MED13: variants seen among roughly 807,000 people sequenced by gnomAD.
The protein encoded by MED13 is mediator complex subunit 13.
In MED13, 23 loss-of-function variants were observed where a neutral mutation model predicts 225.2. That is an observed-to-expected ratio of 0.10 (90% confidence interval 0.07 to 0.14). MED13 has a LOEUF of 0.14. MED13 is among the 10% of genes least tolerant of loss of function. The pLI is 1.00. For missense variants in MED13, 2,197 were observed against 2,594.5 expected (o/e 0.85, Z 3.33); for synonymous variants, 942 against 889.2 (o/e 1.06, Z -1.06).
chr17:61,954,414 G>C (rs1041399204), intron 26 of MED13, among the ~76,000 whole-genome samples: 1 of 152,148 alleles, frequency 6.6e-6, no homozygotes, highest in African/African-American at 2.4e-5. Context: ...ATGAGTTCAT[G>C]TACAGGTACC....
Position 62,010,624 on chromosome 17 carries a change from A to T in MED13, c.1893T>A (p.Pro631=). 9 of 1,492,540 alleles carry T rather than the reference A, an allele frequency of 6.0e-6. No homozygotes were observed. Among genetic ancestry groups the T allele is most frequent in the Non-Finnish European group, 8.0e-6 (9 of 1,120,218 alleles). The allele number at this position is 1,492,540 out of a possible 1,614,324, so 92.5% of individuals were successfully genotyped here. ...PKKKDVEFLP[P]QLPSDKFKDD... The stretch of plus-strand genomic sequence containing the variant: ...CCTTGAATTTATCACTTGGAAGTTG[A>T]GGTGGTAAAAACTCTACATCTTTTT... The change falls in exon 9 of 30, where the codon CCT becomes CCA. Residue 631 remains proline (P), a synonymous_variant. Coordinates refer to ENST00000397786, the MANE Select transcript of MED13 (RefSeq NM_005121.3).
At chr17:61,949,567 ATTACTG>A (rs2079879612) in intron 28 of MED13, among the ~76,000 whole-genome samples, 1 of 152,136 alleles carries the variant, frequency 6.6e-6, no homozygotes, top group Admixed American at 6.5e-5. Flanking sequence ...TGAGAGTCTC[ATTACTG>A]TATTTAAAAA....
At chr17:62,059,420 A>C (rs1422353566) in intron 2 of MED13, among the ~76,000 whole-genome samples, 1 of 152,244 alleles carries the variant, frequency 6.6e-6, no homozygotes, top group South Asian at 2.1e-4. Context: ...AATAAAAAAC[A>C]CTTCAGTAAC....
At chr17:61,975,249 A>C (rs182361560) in intron 16 of MED13, among the ~76,000 whole-genome samples, 1 of 152,352 alleles carries the variant, frequency 6.6e-6, no homozygotes, top group African/African-American at 2.4e-5. Context: ...TAAAGAACTC[A>C]GGATTCAACA....
rs779879231 is a variant in MED13, at chr17:62,031,498, C to T, written c.955G>A (p.Ala319Thr). 1.2e-6 allele frequency: 2 copies of T among 1,613,610 alleles called. No individual in the cohort carries two copies. The highest frequency in any genetic ancestry group is 1.3e-5 in the African/African-American group (1 of 74,886). The change falls in exon 6 of 30, where the codon GCT becomes ACT. Residue 319 changes from alanine to threonine, a missense_variant. Physicochemically the swap from Ala to Thr is moderately conservative, Grantham distance 58 (BLOSUM62 0). Around this residue, in one of 12 missense-constraint regions of MED13, gnomAD observed 884 missense variants for 918.5 expected, o/e 0.96. Transcript: ENST00000397786. ...GGTGTAAGCGTAACCGAAGACATAG[C>T]AGGATCTCTTGTGGAAGCAGGCACT... ...HQVPASTRDP[A>T]MSSVTLTPPT...
In MED13 at chr17:62,033,974, G is replaced by A. The variant is rs1251732484; in HGVS notation, c.627C>T (p.Cys209=). The A allele has an allele frequency of 6.2e-7, 1 of 1,613,380 alleles. No homozygotes were observed. Among genetic ancestry groups the A allele is most frequent in the South Asian group, 1.1e-5 (1 of 90,974 alleles). Residue 209 remains cysteine, a synonymous_variant, in exon 5 of 30, where the codon TGC becomes TGT. Coordinates refer to ENST00000397786, the MANE Select transcript of MED13 (RefSeq NM_005121.3). ...TGAGAGTGCCATTTAGTCCAAATGG[G>A]CATAAGATAACTAGAAACCCAAAGC... ...QSNSPFQVIL[C]PFGLNGTLTG... is the part of the protein sequence containing the mutation.
rs1380101018 is a variant in MED13, at chr17:61,955,514, T to C, written c.5836A>G (p.Thr1946Ala). The C allele has an allele frequency of 1.3e-6, 2 of 1,590,382 alleles. No individual in the cohort carries two copies. The highest frequency in any genetic ancestry group is 1.7e-6 in the Non-Finnish European group (2 of 1,172,102). The change falls in exon 26 of 30, where the codon ACA becomes GCA. Residue 1946 changes from threonine to alanine, a missense_variant. By Grantham distance (58) the Thr-to-Ala change is moderately conservative. This residue lies in a region of MED13 where 216 missense variants were observed against 388.9 expected (regional missense o/e 0.56). Transcript: ENST00000397786. The stretch of plus-strand genomic sequence containing the variant: ...TCCTGTGGGGTATTTAGCTGAGATG[T>C]CTGCATATTTAGAGTCGTGCTTCTT... ...FGRSTTLNMQ[T>A]SQLNTPQDTS...
intron 9 of MED13, among the ~76,000 whole-genome samples, chr17:61,998,340 G>A (rs955664626): frequency 6.6e-6 from 1 of 152,178 alleles, no homozygotes; most frequent in Non-Finnish European, 1.5e-5. Context: ...AGGAAGTGCT[G>A]CAAGGCCCAA....
chr17:61,995,218 C>G lies in MED13; in HGVS notation c.2115G>C (p.Glu705Asp), dbSNP rs2080337244. 1 of 1,613,652 alleles carries G rather than the reference C, an allele frequency of 6.2e-7. No individual in the cohort carries two copies. The highest frequency in any genetic ancestry group is 8.5e-7 in the Non-Finnish European group (1 of 1,179,904). The change falls in exon 10 of 30, where the codon GAG becomes GAC. Residue 705 changes from glutamate (E) to aspartate (D), a missense_variant. Glu to Asp is a conservative substitution (Grantham distance 45). Coordinates refer to ENST00000397786, the MANE Select transcript of MED13 (RefSeq NM_005121.3). Reference protein sequence around the residue: ...IDPYAFVEGDEEFLFPDKKDR... With the variant: ...IDPYAFVEGDDEFLFPDKKDR... The stretch of plus-strand genomic sequence containing the variant: ...CTTTTTTATCAGGAAAAAGGAATTC[C>G]TCATCTCCTTCAACAAATGCATATG...
rs533657791 is a variant in MED13, at chr17:62,041,244, TG to T, written c.471-5637del. ...TATCACATGCTTCATAAATGAATCT[TG>T]AAGATTTTATGCTTACTGAAATAAC... On this transcript the variant is annotated intron_variant, in intron 3 of 29. Transcript: ENST00000397786. Among the ~76,000 whole-genome samples the T allele has an allele frequency of 5.8e-3, 882 of 152,308 alleles. 7 individuals carry two copies. Among genetic ancestry groups the T allele is most frequent in the African/African-American group, 0.02 (833 of 41,556 alleles).
chr17:61,981,768 CTTTT>C (rs933632059), intron 16 of MED13, among the ~76,000 whole-genome samples: 2 of 152,136 alleles, frequency 1.3e-5, no homozygotes, highest in African/African-American at 4.8e-5. Flanking sequence ...CTATTATATG[CTTTT>C]TTGTTTATTT....
At chr17:62,058,172 T>C (rs1057133857) in intron 2 of MED13, among the ~76,000 whole-genome samples, 2 of 151,976 alleles carry the variant, frequency 1.3e-5, no homozygotes, top group African/African-American at 2.4e-5. Context: ...TTATACCTCT[T>C]TCACCCACTA....
chr17:62,062,171 T>A (rs1568009972), intron 2 of MED13, among the ~76,000 whole-genome samples: 1 of 152,224 alleles, frequency 6.6e-6, no homozygotes, highest in Non-Finnish European at 1.5e-5. Flanking sequence ...TAAGTTTATC[T>A]GTCAAAAATC....
chr17:62,001,793 A>G (rs2080397645), intron 9 of MED13, among the ~76,000 whole-genome samples: 1 of 152,224 alleles, frequency 6.6e-6, no homozygotes, highest in Admixed American at 6.5e-5. Flanking sequence ...TATGGTCAAG[A>G]GTAAATTTAT....
In MED13 at chr17:61,944,796, G is replaced by A. The variant is rs2079840320; in HGVS notation, c.*1672C>T. 1 of 152,590 alleles carries A rather than the reference G, an allele frequency of 6.6e-6. No homozygotes were observed. The highest frequency in any genetic ancestry group is 1.5e-5 in the Non-Finnish European group (1 of 68,034). 9.5% of individuals were successfully genotyped at this position (152,590 alleles called of 1,614,324 possible). A position where few individuals can be genotyped will look rare whatever the true frequency, so the allele number is the denominator to read the frequency against. On this transcript the variant is annotated 3_prime_UTR_variant, in exon 30 of 30. Coordinates refer to ENST00000397786, the MANE Select transcript of MED13 (RefSeq NM_005121.3). ...ATTTTGCTAGACTGCTTCCAAGAAA[G>A]CTAGGTAGACTCGGCGACTGTGAAT...
chr17:61,951,527 A>G (rs188934064), intron 27 of MED13, among the ~76,000 whole-genome samples: 9 of 152,320 alleles, frequency 5.9e-5, no homozygotes, highest in Admixed American at 1.3e-4. Flanking sequence ...GATAAAATAA[A>G]AATAATATGC....
intron 2 of MED13, among the ~76,000 whole-genome samples, chr17:62,060,114 A>T (rs1389209531): frequency 6.6e-6 from 1 of 152,042 alleles, no homozygotes; most frequent in African/African-American, 2.4e-5. Context: ...GAACACGGTG[A>T]AACCCCATCT....
intron 28 of MED13, 53 bp downstream of exon 28, chr17:61,950,772 G>A: frequency 2.6e-6 from 4 of 1,546,862 alleles, no homozygotes; most frequent in Non-Finnish European, 3.5e-6. Context: ...TATTTCTCAG[G>A]ACTTAGGCTG....
chr17:61,999,599 C>G (rs2143536855), intron 9 of MED13, among the ~76,000 whole-genome samples: 1 of 152,272 alleles, frequency 6.6e-6, no homozygotes, highest in East Asian at 1.9e-4. Context: ...CAAGTAAATT[C>G]TAACAAATTA....
Sources: gnomAD v4.1 joint callset for allele counts (sites outside exome capture counted in the v4.1 genomes callset) on GRCh38, gnomAD v4.1.1 for gene constraint, gnomAD v4.1.1 regional missense constraint, MANE v1.5 for transcripts, NCBI Gene and HGNC (gene_info 2026-07-23, HGNC 2026-07-21) for gene names.